The following CCDC93 variants were observed in gnomAD, a reference collection of about 807,000 sequenced individuals.
CCDC93 encodes coiled-coil domain-containing protein 93.
In CCDC93, 61 loss-of-function variants were observed where a neutral mutation model predicts 108.2. The ratio of observed to expected loss-of-function variants is 0.56; its 90% CI spans 0.46 to 0.70. The LOEUF (loss-of-function observed/expected upper bound fraction) is 0.70. Ranked by LOEUF, CCDC93 falls within the 30% of genes least tolerant of loss-of-function variation. The pLI, the probability that CCDC93 is intolerant of heterozygous loss-of-function variation, is 0.00. For synonymous variants in CCDC93, 276 were observed against 260.4 expected (o/e 1.06, Z -0.58); for missense variants, 685 against 764.2 (o/e 0.90, Z 1.22).
At chr2:118,013,891 C>T in intron 1 of CCDC93, 63 bp downstream of exon 1, 1 of 1,447,498 alleles carries the variant, frequency 6.9e-7, no homozygotes, top group Middle Eastern at 2.0e-4. Context: ...CAGCCCGCCG[C>T]CCCGCGGCTC....
At chr2:117,972,173 CCA>C (rs1259983615) in intron 11 of CCDC93, among the ~76,000 whole-genome samples, 1 of 152,118 alleles carries the variant, frequency 6.6e-6, no homozygotes, top group Non-Finnish European at 1.5e-5. Flanking sequence ...GTAAGTGGAC[CCA>C]CACAGTCCAA....
At chr2:117,929,982 T>C (rs1166148136) in intron 23 of CCDC93, among the ~76,000 whole-genome samples, 6 of 152,226 alleles carry the variant, frequency 3.9e-5, no homozygotes, top group Non-Finnish European at 7.3e-5. Context: ...CCACAGCGTA[T>C]GCTCCTTAAG....
intron 10 of CCDC93, among the ~76,000 whole-genome samples, chr2:117,974,247 A>C (rs1172121192): frequency 6.6e-6 from 1 of 152,060 alleles, no homozygotes; most frequent in African/African-American, 2.4e-5. Flanking sequence ...CCCCTGGAAA[A>C]TGGTCCTTCC....
At chr2:117,945,213 C>T (rs1401669361) in intron 17 of CCDC93, among the ~76,000 whole-genome samples, 1 of 152,172 alleles carries the variant, frequency 6.6e-6, no homozygotes, top group African/African-American at 2.4e-5. Context: ...CCCTCAGAGC[C>T]CGAGTGGTGA....
intron 1 of CCDC93, among the ~76,000 whole-genome samples, chr2:118,010,876 A>G (rs569311885): frequency 1.3e-5 from 2 of 152,276 alleles, no homozygotes; most frequent in Admixed American, 6.5e-5. Context: ...CATCCCTCAC[A>G]AGTCTATCCT....
chr2:117,986,160 CTTTTTT>C (rs763304100), intron 6 of CCDC93, 91 bp from the exon 7 acceptor site: 60 of 276,510 alleles, frequency 2.2e-4, no homozygotes, highest in Non-Finnish European at 2.7e-4. Flanking sequence ...GGTATATTCT[CTTTTTT>C]TTTTTTTTTT....
chr2:118,012,523 ATTGGG>A (rs1435151653), intron 1 of CCDC93: 1 of 152,166 alleles, frequency 6.6e-6, no homozygotes, highest in African/African-American at 2.4e-5. Flanking sequence ...ACTGTGGAAT[ATTGGG>A]TTGGACGGAT....
chr2:117,948,237 T>C (rs1206707196), intron 14 of CCDC93, 51 bp from the exon 15 acceptor site: 1 of 1,386,340 alleles, frequency 7.2e-7, no homozygotes, highest in South Asian at 1.2e-5. Flanking sequence ...TATGATTTTA[T>C]GAATCGCAGC....
intron 12 of CCDC93, among the ~76,000 whole-genome samples, chr2:117,956,486 A>G (rs1679221736): frequency 6.6e-6 from 1 of 152,156 alleles, no homozygotes; most frequent in African/African-American, 2.4e-5. Flanking sequence ...TGGCTCCTGG[A>G]GTCCACAATA....
chr2:117,978,725 C>T (rs886355655), intron 7 of CCDC93, among the ~76,000 whole-genome samples: 8 of 152,236 alleles, frequency 5.3e-5, no homozygotes, highest in Admixed American at 2.0e-4. Flanking sequence ...GAGCCAGGCG[C>T]GCTGGCTCAC....
chr2:117,994,447 C>A (rs1279527842), intron 6 of CCDC93, among the ~76,000 whole-genome samples: 1 of 152,182 alleles, frequency 6.6e-6, no homozygotes, highest in Non-Finnish European at 1.5e-5. Context: ...AAACAAATTA[C>A]AACCATAAAG....
intron 1 of CCDC93, chr2:118,008,908 A>G (rs2104835385): frequency 4.4e-6 from 2 of 459,146 alleles, no homozygotes; most frequent in Non-Finnish European, 7.8e-6. Context: ...ATGCCCAAGT[A>G]GTATATACTA....
intron 2 of CCDC93, among the ~76,000 whole-genome samples, chr2:118,007,413 T>C (rs1331766877): frequency 6.6e-6 from 1 of 152,246 alleles, no homozygotes; most frequent in African/African-American, 2.4e-5. Flanking sequence ...GGCTCACGCC[T>C]GTAATCCCAG....
chr2:117,972,621 T>C (rs569597004), intron 11 of CCDC93, among the ~76,000 whole-genome samples: 4 of 151,644 alleles, frequency 2.6e-5, no homozygotes, highest in African/African-American at 7.3e-5. Context: ...TTTTTTTTTT[T>C]CTGAAAAACT....
chr2:117,963,173 G>C (rs1235155283), intron 11 of CCDC93, among the ~76,000 whole-genome samples: 2 of 152,160 alleles, frequency 1.3e-5, no homozygotes, highest in African/African-American at 4.8e-5. Flanking sequence ...CAGACAAGAA[G>C]TCAAACTACC....
chr2:117,922,850 T>C (rs1677919944), intron 23 of CCDC93, among the ~76,000 whole-genome samples: 2 of 152,118 alleles, frequency 1.3e-5, no homozygotes, highest in Non-Finnish European at 2.9e-5. Flanking sequence ...GCTGAAGATA[T>C]GGGGTAGAGG....
intron 6 of CCDC93, among the ~76,000 whole-genome samples, chr2:117,994,714 T>C (rs1680590718): frequency 6.6e-6 from 1 of 152,192 alleles, no homozygotes; most frequent in African/African-American, 2.4e-5. Context: ...TTGGGTGGCA[T>C]ATTAATACAA....
chr2:117,952,320 CA>C, intron 13 of CCDC93, 52 bp downstream of exon 13: 1 of 1,235,084 alleles, frequency 8.1e-7, no homozygotes, highest in Non-Finnish European at 1.2e-6. Flanking sequence ...TGGTTCAGGT[CA>C]AAAACAATTC....
chr2:118,013,801 A>C (rs1020309209), intron 1 of CCDC93, among the ~76,000 whole-genome samples, 153 bp downstream of exon 1: 1 of 151,782 alleles, frequency 6.6e-6, no homozygotes, highest in African/African-American at 2.4e-5. Context: ...CCCCGCCTCC[A>C]AGAAGAGGGT....
Sources: allele counts gnomAD v4.1 joint callset (sites outside exome capture counted in the v4.1 genomes callset), GRCh38; gene constraint gnomAD v4.1.1; transcripts MANE v1.5; gene names NCBI Gene and HGNC (gene_info 2026-07-23, HGNC 2026-07-21).